Variants in CSMD1 observed in about 807,000 individuals in gnomAD.
The protein encoded by CSMD1 is CUB and sushi domain-containing protein 1.
Under a neutral mutation model 417.5 loss-of-function variants are expected in CSMD1, and 213 were observed. The ratio of observed to expected loss-of-function variants is 0.51; its 90% CI spans 0.46 to 0.57. CSMD1 has a LOEUF of 0.57. Among genes scored for constraint, CSMD1 ranks in the 20% least tolerant of loss-of-function variants. The probability of loss-of-function intolerance (pLI) is 0.00; values close to 1 mark genes in which losing one functional copy is unlikely to be tolerated. For synonymous variants in CSMD1, 2,862 were observed against 1,736.8 expected, an observed-to-expected ratio of 1.65 and a Z score of -16.11; for missense variants, 6,923 against 4,529.7, an observed-to-expected ratio of 1.53 and a Z score of -15.17.
At chr8:3,447,138 A>G (rs771447578) in intron 12 of CSMD1, among the ~76,000 whole-genome samples, 106 of 152,356 alleles carry the variant, frequency 7.0e-4, no homozygotes, top group Non-Finnish European at 1.0e-3. Flanking sequence ...CACAACAGAC[A>G]TGATCAAAGA....
chr8:4,922,819 A>G (rs1806585914), intron 1 of CSMD1, among the ~76,000 whole-genome samples: 1 of 152,160 alleles, frequency 6.6e-6, no homozygotes, highest in African/African-American at 2.4e-5. Context: ...ACACAGGGAA[A>G]TGACTTGAGG....
At chr8:4,849,557 C>T (rs1351623181) in intron 1 of CSMD1, among the ~76,000 whole-genome samples, 1 of 152,172 alleles carries the variant, frequency 6.6e-6, no homozygotes, top group African/African-American at 2.4e-5. Context: ...ATGACAAGTA[C>T]TCTATACAGG....
intron 5 of CSMD1, among the ~76,000 whole-genome samples, chr8:3,936,790 A>C (rs1563230060): frequency 6.6e-6 from 1 of 152,138 alleles, no homozygotes. Flanking sequence ...ACTTTCAATT[A>C]TTGTTATTTA....
chr8:4,142,085 G>C (rs1021361726), intron 3 of CSMD1, among the ~76,000 whole-genome samples: 30 of 149,216 alleles, frequency 2.0e-4, no homozygotes, highest in Admixed American at 1.1e-3. Flanking sequence ...CTCCATACTG[G>C]AACATTCCCT....
chr8:4,874,244 C>A (rs1802908508), intron 1 of CSMD1, among the ~76,000 whole-genome samples: 1 of 152,054 alleles, frequency 6.6e-6, no homozygotes, highest in Non-Finnish European at 1.5e-5. Context: ...CCGTGGTTTT[C>A]ATCAAATTAC....
At chr8:3,009,511 G>T (rs991295107) in intron 52 of CSMD1, among the ~76,000 whole-genome samples, 2 of 152,132 alleles carry the variant, frequency 1.3e-5, no homozygotes, top group African/African-American at 4.8e-5. Flanking sequence ...TTAACAAATG[G>T]TCATAAAATG....
chr8:3,629,194 G>C (rs535441844), intron 7 of CSMD1, among the ~76,000 whole-genome samples: 1 of 152,196 alleles, frequency 6.6e-6, no homozygotes, highest in East Asian at 1.9e-4. Flanking sequence ...TTGTAAAGGG[G>C]AACAGCTTCA....
At position 3,559,827 on chromosome 8, in the gene CSMD1, C is replaced by T. The variant is rs114025352; in HGVS notation, c.1344+15118G>A. ...GACAAACAGCTATGAGGGATTAAAACAAAACATATGGCAAGACTACTAAGA... is the reference window on the plus strand; with the variant it reads ...GACAAACAGCTATGAGGGATTAAAATAAAACATATGGCAAGACTACTAAGA... On this transcript the variant is annotated intron_variant, in intron 10 of 69. Transcript: ENST00000635120. Among the ~76,000 whole-genome samples the T allele has an allele frequency of 5.4e-3, 820 of 151,992 alleles. 9 individuals are homozygous for T. The highest frequency in any genetic ancestry group is 0.019 in the African/African-American group (777 of 41,458).
chr8:4,014,149 G>C (rs1265348857), intron 4 of CSMD1, among the ~76,000 whole-genome samples: 2 of 152,020 alleles, frequency 1.3e-5, no homozygotes, highest in Non-Finnish European at 2.9e-5. Context: ...TATTAATTGT[G>C]GTGAACTGTC....
At chr8:3,731,209 C>T (rs1020632199) in intron 6 of CSMD1, among the ~76,000 whole-genome samples, 3 of 152,196 alleles carry the variant, frequency 2.0e-5, no homozygotes, top group Non-Finnish European at 4.4e-5. Flanking sequence ...AGCAGTTTCT[C>T]CACCTTCCCA....
chr8:3,239,203 C>T (rs562423062), intron 26 of CSMD1, among the ~76,000 whole-genome samples: 66 of 152,142 alleles, frequency 4.3e-4, no homozygotes, highest in African/African-American at 1.6e-3. Flanking sequence ...TTCCTAAATA[C>T]TGAGGAGCGT....
chr8:4,469,770 C>T (rs1800416660), intron 2 of CSMD1, among the ~76,000 whole-genome samples: 2 of 152,134 alleles, frequency 1.3e-5, no homozygotes, highest in African/African-American at 2.4e-5. Flanking sequence ...TTGGAATATG[C>T]CAGGCGACAG....
At chr8:4,246,059 A>G (rs1802691104) in intron 3 of CSMD1, among the ~76,000 whole-genome samples, 1 of 152,062 alleles carries the variant, frequency 6.6e-6, no homozygotes, top group African/African-American at 2.4e-5. Flanking sequence ...TAGTGGTAGA[A>G]GTGCAGGTTT....
intron 1 of CSMD1, among the ~76,000 whole-genome samples, chr8:4,862,892 G>C (rs772111894): frequency 1.3e-5 from 2 of 151,994 alleles, no homozygotes; most frequent in Non-Finnish European, 2.9e-5. Context: ...GGAAGGACTG[G>C]TAGAGCCGTG....
intron 18 of CSMD1, among the ~76,000 whole-genome samples, chr8:3,371,277 C>A (rs1026314670): frequency 2.0e-5 from 3 of 152,166 alleles, no homozygotes; most frequent in African/African-American, 7.2e-5. Flanking sequence ...CATCCACTTA[C>A]TAGTTAGTAA....
At chr8:2,997,114 T>A (rs1399235567) in intron 54 of CSMD1, among the ~76,000 whole-genome samples, 1 of 152,194 alleles carries the variant, frequency 6.6e-6, no homozygotes, top group Non-Finnish European at 1.5e-5. Context: ...GTTAGTTGAG[T>A]GAACTGGGTT....
At chr8:4,387,167 A>G (rs1803508679) in intron 3 of CSMD1, among the ~76,000 whole-genome samples, 1 of 152,210 alleles carries the variant, frequency 6.6e-6, no homozygotes, top group Admixed American at 6.5e-5. Flanking sequence ...ATGAGTTAAC[A>G]CAATGCCATC....
chr8:4,657,173 G>T (rs534598725), intron 1 of CSMD1, among the ~76,000 whole-genome samples: 6 of 152,110 alleles, frequency 3.9e-5, no homozygotes, highest in Non-Finnish European at 5.9e-5. Flanking sequence ...TATGCCCAGG[G>T]CAGAATACAC....
intron 5 of CSMD1, among the ~76,000 whole-genome samples, chr8:3,921,289 T>A (rs1306271888): frequency 1.3e-5 from 2 of 152,124 alleles, no homozygotes; most frequent in East Asian, 3.8e-4. Flanking sequence ...TAATTTTGAG[T>A]CTTCTCTTTT....
Sources: allele counts gnomAD v4.1 joint callset (sites outside exome capture counted in the v4.1 genomes callset), GRCh38; gene constraint gnomAD v4.1.1; transcripts MANE v1.5; gene names NCBI Gene and HGNC (gene_info 2026-07-23, HGNC 2026-07-21).